DCDC2: variants seen among roughly 807,000 people sequenced by gnomAD.
DCDC2 encodes the protein doublecortin domain containing 2, also known as doublecortin domain-containing protein 2.
DCDC2 carries 40 observed loss-of-function variants against 50.2 expected under a neutral mutation model. The ratio of observed to expected loss-of-function variants is 0.80; its 90% CI spans 0.62 to 1.04. The LOEUF (loss-of-function observed/expected upper bound fraction) is 1.04, where lower values mean the gene tolerates loss of function less well. DCDC2 is among the 50% of genes least tolerant of loss of function. The pLI is 0.00. For missense variants in DCDC2, 570 were observed against 581.9 expected, an observed-to-expected ratio of 0.98 and a Z score of 0.21; for synonymous variants, 234 against 210.6, an observed-to-expected ratio of 1.11 and a Z score of -0.96.
At chr6:24,216,598 A>T (rs982289498) in intron 7 of DCDC2, among the ~76,000 whole-genome samples, 5 of 152,386 alleles carry the variant, frequency 3.3e-5, no homozygotes, top group Non-Finnish European at 7.3e-5. Flanking sequence ...AACCTAATTC[A>T]GAGGCCTGAG....
At chr6:24,316,339 A>C (rs1488765492) in intron 2 of DCDC2, among the ~76,000 whole-genome samples, 1 of 152,172 alleles carries the variant, frequency 6.6e-6, no homozygotes, top group Admixed American at 6.5e-5. Context: ...GAGGAGAAAA[A>C]AATTCCAGAG....
intron 7 of DCDC2, among the ~76,000 whole-genome samples, chr6:24,237,024 G>C (rs1762456123): frequency 6.7e-6 from 1 of 149,454 alleles, no homozygotes; most frequent in Admixed American, 6.7e-5. Context: ...AAAAAAAGAA[G>C]AAGTGGACAA....
intron 7 of DCDC2, among the ~76,000 whole-genome samples, chr6:24,252,847 C>CA (rs1330102312): frequency 6.6e-6 from 1 of 152,174 alleles, no homozygotes; most frequent in Non-Finnish European, 1.5e-5. Flanking sequence ...TATTTATGTT[C>CA]ACTCACCACA....
chr6:24,357,903 C>CGCCT lies in DCDC2; in HGVS notation c.-157_-154dup. The CGCCT allele has an allele frequency of 6.5e-7, 1 of 1,535,252 alleles. No homozygotes were observed. Among genetic ancestry groups the CGCCT allele is most frequent in the Non-Finnish European group, 8.8e-7 (1 of 1,141,638 alleles). On this transcript the variant is annotated 5_prime_UTR_variant, in exon 1 of 10. Coordinates refer to ENST00000378454, the MANE Select transcript of DCDC2 (RefSeq NM_016356.5). ...AGGTGAAAGAGAAGTAACGGCCGTG[C>CGCCT]GCCTAGGCGTCCACCCAGAGGAGAC...
At chr6:24,178,232 A>G (rs1284215680) in intron 9 of DCDC2, 98 bp downstream of exon 9, 1 of 1,284,400 alleles carries the variant, frequency 7.8e-7, no homozygotes, top group Non-Finnish European at 1.1e-6. Context: ...AGTGGTTTCA[A>G]TACAAGTCCT....
At chr6:24,288,559 T>C (rs1294728786) in intron 6 of DCDC2, among the ~76,000 whole-genome samples, 2 of 152,256 alleles carry the variant, frequency 1.3e-5, no homozygotes, top group African/African-American at 4.8e-5. Flanking sequence ...TGATGTGACC[T>C]ACTACAATGG....
the DCDC2 span, among the ~76,000 whole-genome samples, chr6:24,382,009 A>AAGGAAGGCAGGCAGGCAGGCAGGC: frequency 1.0e-4 from 12 of 116,500 alleles, no homozygotes; most frequent in South Asian, 2.7e-3. Context: ...GGAAGGAAGG[A>AAGGAAGGCAGGCAGGCAGGCAGGC]AGGCAGGCAA....
At chr6:24,370,316 C>T in the DCDC2 span, among the ~76,000 whole-genome samples, 1 of 152,164 alleles carries the variant, frequency 6.6e-6, no homozygotes, top group South Asian at 2.1e-4. Context: ...ATGGCGCAGC[C>T]TCTTTGGAAA....
At chr6:24,356,731 G>C (rs190149890) in intron 1 of DCDC2, among the ~76,000 whole-genome samples, 2 of 152,268 alleles carry the variant, frequency 1.3e-5, no homozygotes, top group East Asian at 3.9e-4. Context: ...CTAAAGACAA[G>C]GAATCATGCC....
In DCDC2 at chr6:24,293,845, C is replaced by G. The variant is rs376739275; in HGVS notation, c.558-2767G>C. Among the ~76,000 whole-genome samples, 31 of 152,250 alleles carry G rather than the reference C, an allele frequency of 2.0e-4. 1 individual carries two copies. In the East Asian group the frequency reaches 3.7e-3, roughly 18 times the overall value. On this transcript the variant is annotated intron_variant, in intron 4 of 9. Transcript: ENST00000378454. ...TACCAAACACACCCTCAGATCGCAG[C>G]ACAATAAAAATAGAAACCAAGACTT...
chr6:24,211,333 C>A (rs1005187918), intron 7 of DCDC2, among the ~76,000 whole-genome samples: 1 of 152,046 alleles, frequency 6.6e-6, no homozygotes, highest in Non-Finnish European at 1.5e-5. Context: ...AGGGAACTGA[C>A]GAGAAAGAAG....
chr6:24,257,594 G>A (rs759583073), intron 7 of DCDC2, among the ~76,000 whole-genome samples: 4 of 151,988 alleles, frequency 2.6e-5, no homozygotes, highest in Non-Finnish European at 4.4e-5. Flanking sequence ...TAAAGTTATG[G>A]GTATTCTAGA....
At chr6:24,338,566 C>A (rs1212079603) in intron 2 of DCDC2, among the ~76,000 whole-genome samples, 1 of 152,234 alleles carries the variant, frequency 6.6e-6, no homozygotes, top group Non-Finnish European at 1.5e-5. Context: ...ACATGGTCGC[C>A]TGGCCTCCAA....
intron 7 of DCDC2, among the ~76,000 whole-genome samples, chr6:24,259,315 C>T (rs1762961260): frequency 1.3e-5 from 2 of 152,046 alleles, no homozygotes; most frequent in African/African-American, 4.8e-5. Context: ...GTGTCAAGGG[C>T]CTTTTAGTGA....
At chr6:24,270,255 G>A (rs1177734630) in intron 7 of DCDC2, among the ~76,000 whole-genome samples, 1 of 152,054 alleles carries the variant, frequency 6.6e-6, no homozygotes, top group African/African-American at 2.4e-5. Flanking sequence ...GGGCAAACTG[G>A]TTTCTCCTCT....
In DCDC2 at chr6:24,178,580, T is replaced by A. The variant is rs1393437679; in HGVS notation, c.1076A>T (p.Asp359Val). 1.9e-6 allele frequency: 3 copies of A among 1,614,086 alleles called. No individual in the cohort carries two copies. The highest frequency in any genetic ancestry group is 4.5e-5 in the East Asian group (2 of 44,874). ...EEEDGEKANKDAEQKEDFSGM... is the reference protein window; with the variant it reads ...EEEDGEKANKVAEQKEDFSGM... ...TGAAAAGTCTTCTTTCTGTTCTGCA[T>A]CCTTGTTTGCCTTCTCTCCATCTTC... The change falls in exon 9 of 10, where the codon GAT (aspartate) becomes GTT (valine). Residue 359 changes from aspartate to valine, a missense_variant. Transcript: ENST00000378454.
chr6:24,335,941 C>A (rs887177104), intron 2 of DCDC2, among the ~76,000 whole-genome samples: 4 of 152,178 alleles, frequency 2.6e-5, no homozygotes, highest in African/African-American at 9.7e-5. Context: ...GGACACAGAG[C>A]CAAACCATAT....
At chr6:24,354,428 A>G (rs528621839) in intron 1 of DCDC2, among the ~76,000 whole-genome samples, 9 of 152,198 alleles carry the variant, frequency 5.9e-5, no homozygotes, top group African/African-American at 2.2e-4. Flanking sequence ...ACAATTGCCA[A>G]CTTGTCCCAA....
At chr6:24,374,868 G>A in the DCDC2 span, among the ~76,000 whole-genome samples, 7 of 152,164 alleles carry the variant, frequency 4.6e-5, no homozygotes, top group African/African-American at 9.7e-5. Flanking sequence ...CAGCCCCATC[G>A]GGAGAACGCT....
Sources: allele counts gnomAD v4.1 joint callset (sites outside exome capture counted in the v4.1 genomes callset), GRCh38; gene constraint gnomAD v4.1.1; transcripts MANE v1.5; gene names NCBI Gene and HGNC (gene_info 2026-07-23, HGNC 2026-07-21).